The following LRPAP1 variants were observed in gnomAD, a reference collection of about 807,000 sequenced individuals.
The protein encoded by LRPAP1 is alpha-2-macroglobulin receptor-associated protein.
LRPAP1 carries 41 observed loss-of-function variants against 39.9 expected under a neutral mutation model. The observed-to-expected ratio is 1.03, with a 90% CI of 0.80 to 1.33. LRPAP1 has a LOEUF of 1.33. Among genes scored for constraint, LRPAP1 ranks in the 40% most tolerant of loss-of-function variants. LRPAP1 has a pLI of 0.00. For missense variants in LRPAP1, 565 were observed against 482.3 expected (o/e 1.17, Z -1.61); for synonymous variants, 263 against 212.7 (o/e 1.24, Z -2.06).
intron 5 of LRPAP1, chr4:3,517,811 G>A (rs1342758476): frequency 1.0e-5 from 5 of 485,492 alleles, no homozygotes; most frequent in South Asian, 7.7e-5. Flanking sequence ...ACTGCCCTCT[G>A]CTAGTCTCCA....
chr4:3,532,385 G>T lies in LRPAP1; in HGVS notation c.28C>A (p.Leu10Met), dbSNP rs370866898. Reference protein sequence around the residue: MAPRRVRSFLRGLPALLLLL... With the variant: MAPRRVRSFMRGLPALLLLL... ...AGTAGCAGCGCCGGGAGCCCGCGCA[G>T]AAACGACCTGACCCTCCGCGGCGCC... The change falls in exon 1 of 8, where the codon CTG (leucine) becomes ATG (methionine). Residue 10 changes from leucine (L) to methionine (M), a missense_variant. Coordinates refer to ENST00000650182, the MANE Select transcript of LRPAP1 (RefSeq NM_002337.4). 1 of 1,589,298 alleles carries T rather than the reference G, an allele frequency of 6.3e-7. No individual in the cohort carries two copies. The highest frequency in any genetic ancestry group is 2.3e-5 in the East Asian group (1 of 43,820).
chr4:3,520,215 A>G (rs1729869522), intron 2 of LRPAP1, 22 bp from the exon 3 acceptor site: 2 of 1,606,086 alleles, frequency 1.2e-6, no homozygotes, highest in Admixed American at 1.7e-5. Flanking sequence ...GGGAGGTTCT[A>G]TTTGATATGG....
chr4:3,519,980 A>G, intron 3 of LRPAP1, 92 bp downstream of exon 3: 3 of 1,495,360 alleles, frequency 2.0e-6, no homozygotes, highest in Non-Finnish European at 2.7e-6. Context: ...CCCGGCTCCC[A>G]TGCAGAGCAG....
chr4:3,518,763 G>A, intron 4 of LRPAP1, 108 bp downstream of exon 4: 1 of 730,104 alleles, frequency 1.4e-6, no homozygotes. Context: ...CTGTGTTCCT[G>A]AGGGGAGCTG....
At chr4:3,529,041 G>A (rs1730162699) in intron 1 of LRPAP1, among the ~76,000 whole-genome samples, 1 of 152,148 alleles carries the variant, frequency 6.6e-6, no homozygotes, top group African/African-American at 2.4e-5. Flanking sequence ...CTGTCTGCGT[G>A]CGGTGCCTCC....
chr4:3,505,354 G>C lies in LRPAP1; in HGVS notation c.*7620C>G, dbSNP rs994379268. Reference sequence around the variant, plus strand: ...GCTCCAAATCCAGCATCCCTCCCCGGTGCCTAGCCCTCGCCAGGCTGCTGG... The same window carrying C: ...GCTCCAAATCCAGCATCCCTCCCCGCTGCCTAGCCCTCGCCAGGCTGCTGG... On this transcript the variant is annotated 3_prime_UTR_variant, in exon 8 of 8. Transcript: ENST00000650182. 6.6e-6 allele frequency among the ~76,000 whole-genome samples: 1 copy of C among 152,228 alleles called. No homozygotes were observed. Among genetic ancestry groups the C allele is most frequent in the South Asian group, 2.1e-4 (1 of 4,836 alleles).
At chr4:3,516,011 TGAGA>T (rs111779833) in intron 6 of LRPAP1, 101 bp downstream of exon 6, 9 of 1,126,608 alleles carry the variant, frequency 8.0e-6, no homozygotes, top group Admixed American at 4.5e-5. Context: ...GCGAGAATCT[TGAGA>T]GAGAGAGCTT....
Position 3,503,907 on chromosome 4 carries a change from G to A in LRPAP1, c.*9067C>T, listed in dbSNP as rs1167301164. ...ACAAGGGAGAAGTGAGGGACCCAGGGGCCCAGGAAGGTCGTGAGCGCCAAG... is the reference window on the plus strand; with the variant it reads ...ACAAGGGAGAAGTGAGGGACCCAGGAGCCCAGGAAGGTCGTGAGCGCCAAG... On this transcript the variant is annotated 3_prime_UTR_variant, in exon 8 of 8. Transcript: ENST00000650182. 2 of 152,342 alleles carry A rather than the reference G, an allele frequency of 1.3e-5. No individual in the cohort carries two copies. The highest frequency in any genetic ancestry group is 2.9e-5 in the Non-Finnish European group (2 of 68,096). 9.4% of individuals were successfully genotyped at this position (152,342 alleles called of 1,614,324 possible). A position where few individuals can be genotyped will look rare whatever the true frequency, so the allele number is the denominator to read the frequency against.
intron 2 of LRPAP1, among the ~76,000 whole-genome samples, chr4:3,523,141 G>C: frequency 6.6e-6 from 1 of 152,166 alleles, no homozygotes; most frequent in Non-Finnish European, 1.5e-5. Flanking sequence ...CACCCTGCAA[G>C]GACACTGCCT....
chr4:3,521,968 T>C (rs538431708), intron 2 of LRPAP1, among the ~76,000 whole-genome samples: 1 of 152,376 alleles, frequency 6.6e-6, no homozygotes, highest in South Asian at 2.1e-4. Context: ...AGACCCCATC[T>C]TTTAAAATAA....
Position 3,524,905 on chromosome 4 carries a change from A to C in LRPAP1, c.349+2T>G, listed in dbSNP as rs1328886442. ...CCTGCATTAGGAAAGAAACAAACGT[A>C]CCATTGAGGTTGCGTATGAGTCTCG... On this transcript the variant is annotated splice_donor_variant, in intron 2 of 7. Coordinates refer to ENST00000650182, the MANE Select transcript of LRPAP1 (RefSeq NM_002337.4). LOFTEE classifies it high-confidence loss of function. 1 of 1,614,104 alleles carries C rather than the reference A, an allele frequency of 6.2e-7. No individual in the cohort carries two copies. Among genetic ancestry groups the C allele is most frequent in the Admixed American group, 1.7e-5 (1 of 60,032 alleles).
intron 7 of LRPAP1, 68 bp from the exon 8 acceptor site, chr4:3,513,104 C>T (rs1433348836): frequency 1.6e-6 from 2 of 1,276,900 alleles, no homozygotes; most frequent in Non-Finnish European, 2.2e-6. Context: ...AGCTCAGCCT[C>T]ATGTCAGGAG....
intron 1 of LRPAP1, among the ~76,000 whole-genome samples, chr4:3,530,782 G>T (rs1040257282): frequency 1.3e-5 from 2 of 152,362 alleles, no homozygotes; most frequent in African/African-American, 4.8e-5. Context: ...TGGAGGTAAG[G>T]TGGAGCGCAC....
At chr4:3,531,989 C>T (rs957485270) in intron 1 of LRPAP1, 22 of 596,704 alleles carry the variant, frequency 3.7e-5, no homozygotes, top group South Asian at 3.1e-4. Context: ...CCACCTGCTT[C>T]ACACGGCGTC....
chr4:3,520,352 G>A, intron 2 of LRPAP1, 159 bp from the exon 3 acceptor site: 1 of 709,492 alleles, frequency 1.4e-6, no homozygotes, highest in Non-Finnish European at 2.3e-6. Flanking sequence ...GATCTGGGGA[G>A]AACAAGAATG....
rs148007403 is a variant in LRPAP1 at position 3,503,921 on chromosome 4, G to C, written c.*9053C>G. ...AGGGACCCAGGGGCCCAGGAAGGTCGTGAGCGCCAAGCACCCAGTGCTGCT... is the reference window on the plus strand; with the variant it reads ...AGGGACCCAGGGGCCCAGGAAGGTCCTGAGCGCCAAGCACCCAGTGCTGCT... On this transcript the variant is annotated 3_prime_UTR_variant, in exon 8 of 8. Transcript: ENST00000650182. The C allele has an allele frequency of 1.3e-5, 2 of 152,498 alleles. No homozygotes were observed. Among genetic ancestry groups the C allele is most frequent in the East Asian group, 1.9e-4 (1 of 5,194 alleles). The allele number at this position is 152,498 out of a possible 1,614,324, so 9.4% of individuals were successfully genotyped here. A position where few individuals can be genotyped will look rare whatever the true frequency, so the allele number is the denominator to read the frequency against.
intron 7 of LRPAP1, 111 bp from the exon 8 acceptor site, chr4:3,513,147 T>C: frequency 1.3e-6 from 1 of 766,580 alleles, no homozygotes; most frequent in Admixed American, 2.5e-5. Context: ...GCGCAAGCCC[T>C]GCACATCTGA....
chr4:3,514,443 A>G (rs190107789), intron 7 of LRPAP1, among the ~76,000 whole-genome samples: 1 of 152,134 alleles, frequency 6.6e-6, no homozygotes, highest in African/African-American at 2.4e-5. Flanking sequence ...GCCCTGACTC[A>G]TGGGCTGGCT....
At chr4:3,517,774 A>C in intron 5 of LRPAP1, 2 of 405,618 alleles carry the variant, frequency 4.9e-6, no homozygotes, top group Non-Finnish European at 8.8e-6. Flanking sequence ...GACGCTGGGA[A>C]GGGCTGCTCC....
Sources: gnomAD v4.1 joint callset for allele counts (sites outside exome capture counted in the v4.1 genomes callset) on GRCh38, gnomAD v4.1.1 for gene constraint, MANE v1.5 for transcripts, NCBI Gene and HGNC (gene_info 2026-07-23, HGNC 2026-07-21) for gene names.